Variants in MTUS2 observed in about 807,000 individuals in gnomAD.
MTUS2 encodes the protein microtubule-associated tumor suppressor candidate 2.
Under a neutral mutation model 114.1 loss-of-function variants are expected in MTUS2, and 40 were observed. That is an observed-to-expected ratio of 0.35 (90% CI 0.27 to 0.46). The LOEUF (loss-of-function observed/expected upper bound fraction) is 0.46. Ranked by LOEUF, MTUS2 falls within the 20% of genes least tolerant of loss-of-function variation. MTUS2 has a pLI of 1.00. For synonymous variants in MTUS2, 688 were observed against 672.0 expected, an observed-to-expected ratio of 1.02 and a Z score of -0.37; for missense variants, 1,679 against 1,705.4, an observed-to-expected ratio of 0.98 and a Z score of 0.27.
At chr13:28,988,137 A>G (rs1377679997) in intron 2 of MTUS2, among the ~76,000 whole-genome samples, 1 of 152,244 alleles carries the variant, frequency 6.6e-6, no homozygotes, top group African/African-American at 2.4e-5. Flanking sequence ...AGAGACAGGA[A>G]GAAACAGCAT....
At chr13:29,402,058 G>GTA (rs1273398276) in intron 8 of MTUS2, among the ~76,000 whole-genome samples, 1 of 152,082 alleles carries the variant, frequency 6.6e-6, no homozygotes, top group Non-Finnish European at 1.5e-5. Flanking sequence ...ATATATGGAT[G>GTA]TATATATACA....
intron 5 of MTUS2, among the ~76,000 whole-genome samples, chr13:29,238,578 G>C (rs1011460969): frequency 6.6e-6 from 1 of 152,170 alleles, no homozygotes; most frequent in African/African-American, 2.4e-5. Flanking sequence ...AAAGATGAAG[G>C]CTGGAAGACT....
chr13:29,313,997 A>G (rs1473316011), intron 6 of MTUS2, among the ~76,000 whole-genome samples: 6 of 152,148 alleles, frequency 3.9e-5, no homozygotes, highest in Non-Finnish European at 8.8e-5. Context: ...TCAGCTTTGG[A>G]AGCTGTCAGG....
chr13:29,469,324 G>A (rs1880102590), intron 9 of MTUS2, among the ~76,000 whole-genome samples: 1 of 152,108 alleles, frequency 6.6e-6, no homozygotes, highest in African/African-American at 2.4e-5. Context: ...TCAGCGTACA[G>A]TAAATTCTTT....
chr13:28,943,597 T>TGCAG (rs758135268), intron 2 of MTUS2, among the ~76,000 whole-genome samples: 6 of 152,144 alleles, frequency 3.9e-5, no homozygotes, highest in Non-Finnish European at 8.8e-5. Context: ...AGGTGGGCAT[T>TGCAG]GCAGGGTCCT....
At chr13:29,297,876 T>TAC (rs71190801) in intron 6 of MTUS2, among the ~76,000 whole-genome samples, 64,178 of 151,382 alleles carry the variant, frequency 0.42, 14,853 homozygotes, top group Non-Finnish European at 0.52. Flanking sequence ...TGTACACACA[T>TAC]ACACACACAC....
intron 2 of MTUS2, among the ~76,000 whole-genome samples, chr13:28,891,566 A>G (rs545620165): frequency 6.6e-6 from 1 of 152,268 alleles, no homozygotes; most frequent in South Asian, 2.1e-4. Flanking sequence ...ATGTGCTGAA[A>G]GGAGAAGATG....
intron 15 of MTUS2, 98 bp from the exon 16 acceptor site, chr13:29,502,895 C>A: frequency 8.2e-7 from 1 of 1,222,292 alleles, no homozygotes. Context: ...TCCCTGCGGT[C>A]ATCATGGCCT....
chr13:29,174,392 T>C (rs971640648), intron 5 of MTUS2, among the ~76,000 whole-genome samples: 2 of 152,194 alleles, frequency 1.3e-5, no homozygotes, highest in African/African-American at 4.8e-5. Context: ...AGCCTCAACA[T>C]TTAAAAAACC....
At chr13:29,250,955 C>A (rs1897104005) in intron 5 of MTUS2, among the ~76,000 whole-genome samples, 1 of 152,142 alleles carries the variant, frequency 6.6e-6, no homozygotes, top group African/African-American at 2.4e-5. Flanking sequence ...AGCACTGATA[C>A]TGCTGTTGGG....
intron 5 of MTUS2, among the ~76,000 whole-genome samples, chr13:29,281,242 T>C (rs1409868147): frequency 6.6e-6 from 1 of 152,212 alleles, no homozygotes; most frequent in Non-Finnish European, 1.5e-5. Flanking sequence ...ATAAAATTCC[T>C]GGGCTCATGG....
chr13:29,378,084 G>A (rs1026712615), intron 8 of MTUS2, among the ~76,000 whole-genome samples: 1 of 152,296 alleles, frequency 6.6e-6, no homozygotes, highest in African/African-American at 2.4e-5. Context: ...TAGTGACAGA[G>A]AACAGATTAG....
intron 8 of MTUS2, among the ~76,000 whole-genome samples, chr13:29,392,778 A>G (rs533751604): frequency 6.6e-6 from 1 of 152,272 alleles, no homozygotes; most frequent in Non-Finnish European, 1.5e-5. Context: ...AACCTGGGAT[A>G]ATAAAAAAGT....
At chr13:29,009,683 A>T (rs1885753278) in intron 2 of MTUS2, among the ~76,000 whole-genome samples, 1 of 152,226 alleles carries the variant, frequency 6.6e-6, no homozygotes, top group African/African-American at 2.4e-5. Flanking sequence ...ACAGAACTAT[A>T]AACCAAAATG....
At chr13:29,202,118 C>G (rs1471353430) in intron 5 of MTUS2, among the ~76,000 whole-genome samples, 1 of 152,052 alleles carries the variant, frequency 6.6e-6, no homozygotes, top group African/African-American at 2.4e-5. Context: ...TGGTTCCATT[C>G]TCCCCATCAC....
chr13:29,093,257 A>T lies in MTUS2; in HGVS notation c.2447-7516A>T, dbSNP rs934897142. Among the ~76,000 whole-genome samples, 15 of 152,350 alleles carry T rather than the reference A, an allele frequency of 9.8e-5. No individual in the cohort carries two copies. The East Asian group carries it at 2.9e-3, about 29-fold the overall frequency. On this transcript the variant is annotated intron_variant, in intron 4 of 15. Coordinates refer to ENST00000612955, the MANE Select transcript of MTUS2 (RefSeq NM_001033602.4). ...CAAGAGATTGAGACCATCCTGGCCA[A>T]CATGGTGAAACCCCATCTCTACTAA...
intron 8 of MTUS2, among the ~76,000 whole-genome samples, chr13:29,435,811 A>G (rs1877362140): frequency 6.6e-6 from 1 of 152,256 alleles, no homozygotes; most frequent in Non-Finnish European, 1.5e-5. Context: ...TTATGGAGGA[A>G]GGGCTGTCGC....
intron 1 of MTUS2, among the ~76,000 whole-genome samples, chr13:28,832,537 A>G (rs1043758659): frequency 6.6e-6 from 1 of 151,554 alleles, no homozygotes; most frequent in African/African-American, 2.4e-5. Flanking sequence ...TAATGACTGT[A>G]TGAACAAAAG....
Position 29,492,686 on chromosome 13 carries a change from A to C in MTUS2, c.3546A>C (p.Glu1182Asp), listed in dbSNP as rs1377798563. ...ATGAGCTTGAAAAGAAAGAATTGGA[A>C]GAAAATTTTGAAAAACTGCGGCTGT... ...STHELEKKEL[E>D]ENFEKLRLSL... Residue 1182 changes from glutamate (E) to aspartate (D), a missense_variant, in exon 12 of 16, where the codon GAA becomes GAC. By Grantham distance (45) the Glu-to-Asp change is conservative. Around this residue, in one of 3 missense-constraint regions of MTUS2, gnomAD observed 822 missense variants for 899.7 expected, o/e 0.91. Coordinates refer to ENST00000612955, the MANE Select transcript of MTUS2 (RefSeq NM_001033602.4). 3.7e-6 allele frequency: 6 copies of C among 1,613,852 alleles called. No homozygotes were observed. The African/African-American group carries it at 6.7e-5, about 18-fold the overall frequency.
Sources: gnomAD v4.1 joint callset for allele counts (sites outside exome capture counted in the v4.1 genomes callset) on GRCh38, gnomAD v4.1.1 for gene constraint, gnomAD v4.1.1 regional missense constraint, MANE v1.5 for transcripts, NCBI Gene and HGNC (gene_info 2026-07-23, HGNC 2026-07-21) for gene names.